The following SYNE1 variants were observed in gnomAD, a reference collection of about 807,000 sequenced individuals.
The protein encoded by SYNE1 is spectrin repeat containing nuclear envelope protein 1.
In SYNE1, 616 loss-of-function variants were observed where a neutral mutation model predicts 1,111.0. The ratio of observed to expected loss-of-function variants is 0.55; its 90% CI spans 0.52 to 0.59. The LOEUF (loss-of-function observed/expected upper bound fraction) is 0.59. SYNE1 is among the 20% of genes least tolerant of loss of function. SYNE1 has a pLI of 0.00. For missense variants in SYNE1, 10,006 were observed against 10,417.0 expected, an observed-to-expected ratio of 0.96 and a Z score of 1.72; for synonymous variants, 3,855 against 3,825.8, an observed-to-expected ratio of 1.01 and a Z score of -0.28.
intron 3 of SYNE1, among the ~76,000 whole-genome samples, chr6:152,596,224 C>T (rs2099581052): frequency 6.8e-6 from 1 of 147,962 alleles, no homozygotes; most frequent in Admixed American, 6.8e-5. Context: ...ATTTTTTGAC[C>T]ATTTTCTTGT....
intron 41 of SYNE1, among the ~76,000 whole-genome samples, chr6:152,414,976 T>C (rs1409120520): frequency 6.6e-6 from 1 of 152,186 alleles, no homozygotes; most frequent in Admixed American, 6.5e-5. Context: ...CAATATTGAC[T>C]CCACTATCAT....
intron 17 of SYNE1, 120 bp from the exon 18 acceptor site, chr6:152,465,580 T>TC: frequency 1.1e-6 from 1 of 893,112 alleles, no homozygotes; most frequent in Non-Finnish European, 1.8e-6. Context: ...AGAGTTCATT[T>TC]CCAACAAATA....
intron 127 of SYNE1, 30 bp from the exon 128 acceptor site, chr6:152,189,437 C>T (rs367651583): frequency 1.9e-5 from 31 of 1,609,944 alleles, no homozygotes; most frequent in Admixed American, 8.3e-5. Flanking sequence ...TGAATACCCA[C>T]GGACATCTCC....
At position 152,472,002 on chromosome 6, in the gene SYNE1, T is replaced by C. The variant is rs78971508; in HGVS notation, c.1464-237A>G. On this transcript the variant is annotated intron_variant, in intron 15 of 145. Transcript: ENST00000367255. ...TGCCAACACATCTCTCGTCTGTTTC[T>C]TTTATAAGCTGTTTTTGCAATATTA... 1,207 of 595,386 alleles carry C rather than the reference T, an allele frequency of 2.0e-3. 15 individuals carry two copies. Among genetic ancestry groups the C allele is most frequent in the African/African-American group, 0.02 (1,059 of 53,882 alleles). The allele number at this position is 595,386 out of a possible 1,614,324, so 36.9% of individuals were successfully genotyped here. A position where few individuals can be genotyped will look rare whatever the true frequency, so the allele number is the denominator to read the frequency against.
intron 4 of SYNE1, among the ~76,000 whole-genome samples, chr6:152,528,411 C>T (rs2099175618): frequency 6.6e-6 from 1 of 152,130 alleles, no homozygotes; most frequent in Non-Finnish European, 1.5e-5. Flanking sequence ...TTTTGCCATC[C>T]AGTTTGTATA....
In SYNE1 at chr6:152,242,225, T is replaced by C; in HGVS notation, c.19893+15A>G. ...CAATTACATTTTCTCTCTATCACTC[T>C]TTTTTGTTATGTACCTTATGTTTGT... On this transcript the variant is annotated intron_variant, in intron 107 of 145. Transcript: ENST00000367255. The C allele has an allele frequency of 6.2e-7, 1 of 1,609,010 alleles. No homozygotes were observed. The highest frequency in any genetic ancestry group is 8.5e-7 in the Non-Finnish European group (1 of 1,175,412).
At chr6:152,522,050 T>C (rs964239318) in intron 5 of SYNE1, among the ~76,000 whole-genome samples, 1 of 151,620 alleles carries the variant, frequency 6.6e-6, no homozygotes, top group African/African-American at 2.4e-5. Flanking sequence ...TACCTTTTTC[T>C]GCTAGAATGA....
intron 3 of SYNE1, among the ~76,000 whole-genome samples, chr6:152,554,594 C>T (rs2099358895): frequency 6.6e-6 from 1 of 152,152 alleles, no homozygotes; most frequent in Non-Finnish European, 1.5e-5. Flanking sequence ...TATGCTTCCT[C>T]AGTTTAACCA....
rs775276314 is a variant in SYNE1 at position 152,352,134 on chromosome 6, A to G, written c.11473T>C (p.Cys3825Arg). ...LHLAKEFSDK[C>R]KALTQWIAEY... ...GCTATCCACTGTGTCAGTGCTTTGC[A>G]TTTATCTGAGAATTCCTTTGCTAAA... is the stretch of plus-strand genomic sequence containing the variant. The change falls in exon 70 of 146, where the codon TGC becomes CGC. Residue 3825 changes from cysteine (C) to arginine (R), a missense_variant. This residue lies in a region of SYNE1 where 4,955 missense variants were observed against 5,017.2 expected (regional missense o/e 0.99). Transcript: ENST00000367255. 1 of 1,614,144 alleles carries G rather than the reference A, an allele frequency of 6.2e-7. No homozygotes were observed. The highest frequency in any genetic ancestry group is 8.5e-7 in the Non-Finnish European group (1 of 1,180,018).
intron 56 of SYNE1, among the ~76,000 whole-genome samples, chr6:152,378,839 C>T (rs530689361): frequency 6.9e-4 from 105 of 152,282 alleles, no homozygotes; most frequent in African/African-American, 2.4e-3. Flanking sequence ...TTTATGCTTG[C>T]GTATCTCCCC....
chr6:152,436,241 T>A, intron 32 of SYNE1, 140 bp from the exon 33 acceptor site: 1 of 879,724 alleles, frequency 1.1e-6, no homozygotes, highest in Non-Finnish European at 1.7e-6. Flanking sequence ...ACATTGTTCT[T>A]AACAATAAAT....
intron 34 of SYNE1, chr6:152,433,527 A>G (rs1001887152): frequency 8.3e-6 from 4 of 484,828 alleles, no homozygotes; most frequent in Non-Finnish European, 1.5e-5. Flanking sequence ...GAAAAGAATT[A>G]ATGTAACCAT....
At chr6:152,446,595 G>T (rs1028532282) in intron 29 of SYNE1, among the ~76,000 whole-genome samples, 3 of 152,062 alleles carry the variant, frequency 2.0e-5, no homozygotes, top group African/African-American at 7.2e-5. Context: ...GAGCTTTGTG[G>T]TCATTTTCTT....
intron 3 of SYNE1, among the ~76,000 whole-genome samples, chr6:152,577,418 G>C (rs2099501236): frequency 6.6e-6 from 1 of 152,134 alleles, no homozygotes; most frequent in Non-Finnish European, 1.5e-5. Context: ...GGATCACAAG[G>C]TCAGGAGATT....
At chr6:152,303,785 C>T (rs1316353616) in intron 91 of SYNE1, among the ~76,000 whole-genome samples, 1 of 152,192 alleles carries the variant, frequency 6.6e-6, no homozygotes, top group Non-Finnish European at 1.5e-5. Context: ...GATCAACATG[C>T]AGAGATGCAA....
At chr6:152,179,748 G>A (rs562498090) in intron 129 of SYNE1, among the ~76,000 whole-genome samples, 3 of 124,834 alleles carry the variant, frequency 2.4e-5, no homozygotes, top group South Asian at 2.7e-4. Context: ...GCAGTGGCAC[G>A]ATCTCGGCTC....
chr6:152,358,283 T>C, intron 66 of SYNE1, 90 bp downstream of exon 66: 2 of 1,571,014 alleles, frequency 1.3e-6, no homozygotes, highest in South Asian at 2.2e-5. Context: ...GCCACTGGAC[T>C]CAAGGTTTCT....
Position 152,316,972 on chromosome 6 carries a change from T to C in SYNE1, c.16587A>G (p.Leu5529=). The change falls in exon 87 of 146, where the codon TTA becomes TTG. Residue 5529 remains leucine (L), a synonymous_variant. Coordinates refer to ENST00000367255, the MANE Select transcript of SYNE1 (RefSeq NM_182961.4). ...LSKLNQAASH[L]EEYNEMLELI... ...ATTCAAGCATTTCATTGTATTCTTC[T>C]AAATGTGATGCTGCCTGAAAAACCA... 6.2e-7 allele frequency: 1 copy of C among 1,614,040 alleles called. No homozygotes were observed. Among genetic ancestry groups the C allele is most frequent in the Non-Finnish European group, 8.5e-7 (1 of 1,180,004 alleles).
At chr6:152,353,467 T>C in intron 68 of SYNE1, 34 bp from the exon 69 acceptor site, 1 of 1,613,754 alleles carries the variant, frequency 6.2e-7, no homozygotes. Flanking sequence ...AATGGTGAAG[T>C]AAAGGCCTGT....
Sources: gnomAD v4.1 joint callset for allele counts (sites outside exome capture counted in the v4.1 genomes callset) on GRCh38, gnomAD v4.1.1 for gene constraint, gnomAD v4.1.1 regional missense constraint, MANE v1.5 for transcripts, NCBI Gene and HGNC (gene_info 2026-07-23, HGNC 2026-07-21) for gene names.